Variants in USF1 observed in about 807,000 individuals in gnomAD.
USF1 encodes the protein upstream stimulatory factor 1.
A neutral mutation model predicts 46.3 loss-of-function variants in USF1; 22 were observed. That is an observed-to-expected ratio of 0.47 (90% CI 0.34 to 0.68). The LOEUF (loss-of-function observed/expected upper bound fraction) is 0.68. Among genes scored for constraint, USF1 ranks in the 30% least tolerant of loss-of-function variants. USF1 has a pLI of 0.01. For synonymous variants in USF1, 150 were observed against 147.0 expected (o/e 1.02, Z -0.15); for missense variants, 287 against 399.3 (o/e 0.72, Z 2.40).
rs1485415277 is a variant in USF1 at position 161,042,200 on chromosome 1, G to A, written c.192C>T (p.Ile64=). The A allele has an allele frequency of 1.1e-5, 18 of 1,613,960 alleles. No individual in the cohort carries two copies. Among genetic ancestry groups the A allele is most frequent in the Non-Finnish European group, 1.4e-5 (16 of 1,179,948 alleles). Residue 64 remains isoleucine, a synonymous_variant, in exon 5 of 11, where the codon ATC becomes ATT. Transcript: ENST00000368021. ...CATCCAGCTGCCCCTCAGACACCTG[G>A]ATCACCCTGTACATCACCTAGAAGT... ...ENGGQVMYRV[I]QVSEGQLDGQ...
intron 1 of USF1, among the ~76,000 whole-genome samples, chr1:161,044,198 C>T (rs946199539): frequency 4.6e-5 from 7 of 152,182 alleles, no homozygotes; most frequent in African/African-American, 1.7e-4. Flanking sequence ...CTGCCTCGGC[C>T]TCCCAAAGTG....
chr1:161,040,855 C>T lies in USF1; in HGVS notation c.578G>A (p.Arg193Gln), dbSNP rs778902851. 1.5e-5 allele frequency: 24 copies of T among 1,613,866 alleles called. No individual in the cohort carries two copies. The highest frequency in any genetic ancestry group is 8.0e-5 in the African/African-American group (6 of 74,854). The change falls in exon 8 of 11, where the codon CGG (arginine) becomes CAG (glutamine). Residue 193 changes from arginine to glutamine, a missense_variant. Arg to Gln is a conservative substitution (Grantham distance 43). Transcript: ENST00000368021. This position sits in a 1 kb window ranked among gnomAD's most constrained non-coding sequence, Gnocchi z 4.0. ...HPYSPKSEAP[R>Q]TTRDEKRRAQ... is the part of the protein sequence containing the mutation. The stretch of plus-strand genomic sequence containing the variant: ...CCTGCGTTTCTCATCCCGAGTCGTC[C>T]GGGGAGCTTCTGACTTCCTGACAAC...
In USF1 at chr1:161,040,139, G is replaced by A; in HGVS notation, c.843+63C>T. 3 of 1,610,798 alleles carry A rather than the reference G, an allele frequency of 1.9e-6. No homozygotes were observed. The highest frequency in any genetic ancestry group is 1.3e-5 in the African/African-American group (1 of 74,970). ...TTCTCCATGGAGAACAAAGTAGAGG[G>A]TGTCAAACTGGGTCAGTGGCTAGCA... is the stretch of plus-strand genomic sequence containing the variant. On this transcript the variant is annotated intron_variant, in intron 10 of 10. Coordinates refer to ENST00000368021, the MANE Select transcript of USF1 (RefSeq NM_007122.5). The surrounding 1 kb of genome is among the most constrained non-coding windows in gnomAD (Gnocchi z 4.0).
intron 1 of USF1, among the ~76,000 whole-genome samples, chr1:161,045,316 G>A (rs1008819560): frequency 6.6e-6 from 1 of 152,214 alleles, no homozygotes; most frequent in Non-Finnish European, 1.5e-5. Context: ...GGGATGGGAC[G>A]TTGTGGTGTG....
Position 161,042,593 on chromosome 1 carries a change from T to A in USF1, c.136A>T (p.Asn46Tyr). The A allele has an allele frequency of 6.2e-7, 1 of 1,614,182 alleles. No individual in the cohort carries two copies. The highest frequency in any genetic ancestry group is 1.1e-5 in the South Asian group (1 of 91,088). ...TCAGTTCGGAAGACGTACTTGACGT[T>A]GGGGTCAGGGAAGGTGGCAGCTGAC... ...IQSAATFPDP[N>Y]VKYVFRTENG... Residue 46 changes from asparagine to tyrosine, a missense_variant, in exon 4 of 11, where the codon AAC becomes TAC. Transcript: ENST00000368021.
At chr1:161,045,624 TGCGGCGCGCAGCTGGACA>T (rs1317366084) in intron 1 of USF1, among the ~76,000 whole-genome samples, 1 of 152,142 alleles carries the variant, frequency 6.6e-6, no homozygotes, top group Non-Finnish European at 1.5e-5. Flanking sequence ...TGCCGGCGGC[TGCGGCGCGCAGCTGGACA>T]GCGCAGGAGG....
At position 161,040,412 on chromosome 1, in the gene USF1, C is replaced by T. The variant is rs536819727; in HGVS notation, c.715-82G>A. On this transcript the variant is annotated intron_variant, in intron 9 of 10. Coordinates refer to ENST00000368021, the MANE Select transcript of USF1 (RefSeq NM_007122.5). This position sits in a 1 kb window ranked among gnomAD's most constrained non-coding sequence, Gnocchi z 4.0. ...CCAAAAGTAGGTTCACACTTTGGAC[C>T]TCATTTTCATCTAAGGAAGGTGGTA... 106 of 1,592,706 alleles carry T rather than the reference C, an allele frequency of 6.7e-5. 2 individuals carry two copies. In the South Asian group the frequency reaches 1.1e-3, roughly 17 times the overall value.
chr1:161,045,408 T>G (rs1332788056), intron 1 of USF1, among the ~76,000 whole-genome samples: 2 of 152,140 alleles, frequency 1.3e-5, no homozygotes, highest in Non-Finnish European at 2.9e-5. Flanking sequence ...CCGAAAGAAG[T>G]CAGGCACCTA....
In USF1 at chr1:161,040,750, C is replaced by T. The variant is rs985366058; in HGVS notation, c.619+64G>A. 9.9e-6 allele frequency: 16 copies of T among 1,613,424 alleles called. No individual in the cohort carries two copies. Among genetic ancestry groups the T allele is most frequent in the Non-Finnish European group, 1.3e-5 (15 of 1,179,684 alleles). ...AGGGTAAAATTACCTAATCCCTCCT[C>T]CCCTCAGACATCACTGCTGAGATCA... On this transcript the variant is annotated intron_variant, in intron 8 of 10. Transcript: ENST00000368021. The surrounding 1 kb of genome is among the most constrained non-coding windows in gnomAD (Gnocchi z 4.0).
chr1:161,044,210 T>C (rs1650702492), intron 1 of USF1, among the ~76,000 whole-genome samples: 1 of 152,202 alleles, frequency 6.6e-6, no homozygotes, highest in Non-Finnish European at 1.5e-5. Flanking sequence ...CCCAAAGTGC[T>C]TGGATTACAG....
rs774522606 is a variant in USF1, at chr1:161,042,670, C to T, written c.59G>A (p.Gly20Asp). 1 of 1,614,184 alleles carries T rather than the reference C, an allele frequency of 6.2e-7. No individual in the cohort carries two copies. Among genetic ancestry groups the T allele is most frequent in the Non-Finnish European group, 8.5e-7 (1 of 1,180,032 alleles). ...TEEGTVQIQE[G>D]AVATGEDPTS... Reference sequence around the variant, plus strand: ...TGGGTCTTCCCCAGTAGCCACTGCACCTGAATTAAAAGAACAAAGGAAAAG... The same window carrying T: ...TGGGTCTTCCCCAGTAGCCACTGCATCTGAATTAAAAGAACAAAGGAAAAG... Residue 20 changes from glycine to aspartate, a missense_variant and splice_region_variant, in exon 4 of 11, where the codon GGT becomes GAT. Transcript: ENST00000368021.
chr1:161,040,475 T>G lies in USF1; in HGVS notation c.714+101A>C, dbSNP rs999613303. The stretch of plus-strand genomic sequence containing the variant: ...GGGATACAGGAACCTCAGGGAGAGA[T>G]AAGACTACTGTCATGTGTGCCCCTC... On this transcript the variant is annotated intron_variant, in intron 9 of 10. Transcript: ENST00000368021. The surrounding 1 kb of genome is among the most constrained non-coding windows in gnomAD (Gnocchi z 4.0). 1.0e-5 allele frequency: 16 copies of G among 1,555,258 alleles called. No individual in the cohort carries two copies. Among genetic ancestry groups the G allele is most frequent in the Admixed American group, 1.8e-5 (1 of 54,778 alleles).
Position 161,040,985 on chromosome 1 carries a change from G to A in USF1, c.561-113C>T, listed in dbSNP as rs1650530538. 1.6e-5 allele frequency: 21 copies of A among 1,338,432 alleles called. No individual in the cohort carries two copies. In the South Asian group the frequency reaches 2.4e-4, roughly 15 times the overall value. 82.9% of individuals were successfully genotyped at this position (1,338,432 alleles called of 1,614,324 possible). A position where few individuals can be genotyped will look rare whatever the true frequency, so the allele number is the denominator to read the frequency against. ...GTATTAGGACCACTTATGGTAGCTA[G>A]GTGTGGTGTCTCACACCTGTAATCC... On this transcript the variant is annotated intron_variant, in intron 7 of 10. Transcript: ENST00000368021. This position sits in a 1 kb window ranked among gnomAD's most constrained non-coding sequence, Gnocchi z 4.0.
Position 161,040,345 on chromosome 1 carries a change from C to G in USF1, c.715-15G>C, listed in dbSNP as rs1252672769. ...CCACCTTTACTCTGCAAGATAAGGT[C>G]AACAAAATGAGAACTAGGATTTCAG... On this transcript the variant is annotated splice_polypyrimidine_tract_variant and intron_variant, in intron 9 of 10. Transcript: ENST00000368021. This position sits in a 1 kb window ranked among gnomAD's most constrained non-coding sequence, Gnocchi z 4.0. The G allele has an allele frequency of 6.2e-7, 1 of 1,612,712 alleles. No individual in the cohort carries two copies. The highest frequency in any genetic ancestry group is 8.5e-7 in the Non-Finnish European group (1 of 1,179,390).
chr1:161,041,602 C>T (rs956828520), intron 6 of USF1, 49 bp downstream of exon 6: 4 of 1,571,880 alleles, frequency 2.5e-6, no homozygotes, highest in Non-Finnish European at 2.6e-6. Context: ...AGTCATGTCC[C>T]ACAGCCTATT....
Position 161,042,922 on chromosome 1 carries a change from A to T in USF1, c.9-40T>A, listed in dbSNP as rs764781310. 3 of 1,614,068 alleles carry T rather than the reference A, an allele frequency of 1.9e-6. No individual in the cohort carries two copies. The Admixed American group carries it at 5.0e-5, about 27-fold the overall frequency. On this transcript the variant is annotated intron_variant, in intron 2 of 10. Coordinates refer to ENST00000368021, the MANE Select transcript of USF1 (RefSeq NM_007122.5). ...AGGACAAAAGGAAGAGTATGAGAAG[A>T]AGTCAATGAGAAGCTCACTGGCCCA...
At chr1:161,042,271 T>C (rs1421573970) in intron 4 of USF1, 54 bp from the exon 5 acceptor site, 1 of 1,546,842 alleles carries the variant, frequency 6.5e-7, no homozygotes, top group Non-Finnish European at 8.8e-7. Flanking sequence ...AGATTAAGTG[T>C]TGGGAATCCT....
At position 161,040,409 on chromosome 1, in the gene USF1, G is replaced by A; in HGVS notation, c.715-79C>T. 1 of 1,595,886 alleles carries A rather than the reference G, an allele frequency of 6.3e-7. No homozygotes were observed. Among genetic ancestry groups the A allele is most frequent in the Non-Finnish European group, 8.6e-7 (1 of 1,169,272 alleles). Reference sequence around the variant, plus strand: ...TTTCCAAAAGTAGGTTCACACTTTGGACCTCATTTTCATCTAAGGAAGGTG... The same window carrying A: ...TTTCCAAAAGTAGGTTCACACTTTGAACCTCATTTTCATCTAAGGAAGGTG... On this transcript the variant is annotated intron_variant, in intron 9 of 10. Transcript: ENST00000368021. This position sits in a 1 kb window ranked among gnomAD's most constrained non-coding sequence, Gnocchi z 4.0.
chr1:161,042,658 G>C lies in USF1; in HGVS notation c.71C>G (p.Thr24Ser). 1.9e-6 allele frequency: 3 copies of C among 1,613,590 alleles called. No homozygotes were observed. Among genetic ancestry groups the C allele is most frequent in the Non-Finnish European group, 2.5e-6 (3 of 1,179,914 alleles). ...AGCCACACTGGTTGGGTCTTCCCCA[G>C]TAGCCACTGCACCTGAATTAAAAGA... ...TVQIQEGAVA[T>S]GEDPTSVAIA... is the part of the protein sequence containing the mutation. The change falls in exon 4 of 11, where the codon ACT becomes AGT. Residue 24 changes from threonine (T) to serine (S), a missense_variant. Physicochemically the swap from Thr to Ser is moderately conservative, Grantham distance 58. Transcript: ENST00000368021.
Sources: allele counts gnomAD v4.1 joint callset (sites outside exome capture counted in the v4.1 genomes callset), GRCh38; gene constraint gnomAD v4.1.1; non-coding constraint Gnocchi (gnomAD v3.1); transcripts MANE v1.5; gene names NCBI Gene and HGNC (gene_info 2026-07-23, HGNC 2026-07-21).